Variants in SULT6B1 observed in about 807,000 individuals in gnomAD.
SULT6B1 encodes sulfotransferase 6B1.
A neutral mutation model predicts 37.2 loss-of-function variants in SULT6B1; 44 were observed. That is an observed-to-expected ratio of 1.18 (90% confidence interval 0.93 to 1.52). The LOEUF (loss-of-function observed/expected upper bound fraction) is 1.52. Among genes scored for constraint, SULT6B1 ranks in the 40% most tolerant of loss-of-function variants. SULT6B1 has a pLI of 0.00. For missense variants in SULT6B1, 450 were observed against 361.0 expected (o/e 1.25, Z -2.00); for synonymous variants, 140 against 126.0 (o/e 1.11, Z -0.74).
intron 3 of SULT6B1, among the ~76,000 whole-genome samples, chr2:37,180,827 T>C (rs1676534514): frequency 6.6e-6 from 1 of 152,142 alleles, no homozygotes; most frequent in South Asian, 2.1e-4. Flanking sequence ...GAGGTTGTCA[T>C]GAGCCAAGAT....
chr2:37,183,634 TCTCCTC>T, intron 2 of SULT6B1, 120 bp from the exon 3 acceptor site: 1 of 677,694 alleles, frequency 1.5e-6, no homozygotes, highest in Non-Finnish European at 2.5e-6. Flanking sequence ...CACTATATCT[TCTCCTC>T]CTCCTCCAAT....
intron 4 of SULT6B1, among the ~76,000 whole-genome samples, chr2:37,176,221 T>C (rs1313150807): frequency 2.0e-5 from 3 of 151,518 alleles, no homozygotes; most frequent in Non-Finnish European, 4.4e-5. Context: ...ACACGTCAAA[T>C]GCTAAAAACA....
chr2:37,171,009 C>T (rs887524480), intron 6 of SULT6B1, among the ~76,000 whole-genome samples: 2 of 151,922 alleles, frequency 1.3e-5, no homozygotes, highest in Non-Finnish European at 2.9e-5. Context: ...GAGGCCAAGG[C>T]GGGCGGATCA....
At chr2:37,181,669 A>G (rs1043586828) in intron 3 of SULT6B1, among the ~76,000 whole-genome samples, 4 of 152,182 alleles carry the variant, frequency 2.6e-5, no homozygotes, top group Non-Finnish European at 4.4e-5. Flanking sequence ...GATGTGAGCC[A>G]CTGCATCCAG....
intron 4 of SULT6B1, among the ~76,000 whole-genome samples, chr2:37,177,411 C>CAAAAAAAAAAAAAAAAAAAA (rs57205863): frequency 3.9e-5 from 3 of 76,288 alleles, no homozygotes; most frequent in African/African-American, 1.0e-4. Context: ...AATCTTGTCT[C>CAAAAAAAAAAAAAAAAAAAA]AAAAAAAAAA....
intron 2 of SULT6B1, among the ~76,000 whole-genome samples, chr2:37,186,219 G>A (rs1290835679): frequency 6.6e-6 from 1 of 152,186 alleles, no homozygotes; most frequent in South Asian, 2.1e-4. Context: ...CTCTCTGCCT[G>A]TTGGGAATCT....
chr2:37,179,592 G>A lies in SULT6B1; in HGVS notation c.403-8C>T. The A allele has an allele frequency of 6.2e-7, 1 of 1,606,030 alleles. No individual in the cohort carries two copies. The highest frequency in any genetic ancestry group is 1.8e-5 in the Admixed American group (1 of 56,658). ...TCGAAATATCACCAATATCTAGGGA[G>A]CAAAAATTGAGTTAATTTATTTGGG... On this transcript the variant is annotated splice_polypyrimidine_tract_variant and splice_region_variant and intron_variant, in intron 3 of 6. Coordinates refer to ENST00000535679, the MANE Select transcript of SULT6B1 (RefSeq NM_001367551.1).
chr2:37,192,902 T>C (rs1572469643), upstream of SULT6B1, among the ~76,000 whole-genome samples: 2 of 152,318 alleles, frequency 1.3e-5, no homozygotes, highest in East Asian at 1.9e-4. Context: ...CAGTTCTACA[T>C]ACTCAACTCT....
intron 2 of SULT6B1, among the ~76,000 whole-genome samples, chr2:37,185,717 C>CAAAAAAAAAAAA (rs200087048): frequency 6.0e-5 from 5 of 83,392 alleles, no homozygotes; most frequent in South Asian, 4.3e-4. Flanking sequence ...GACTCCATTT[C>CAAAAAAAAAAAA]AAAAAAAAAA....
chr2:37,193,576 GAAGAAAAAGAAGAAGAAGAAA>G (rs1462932555), upstream of SULT6B1, among the ~76,000 whole-genome samples: 133 of 133,496 alleles, frequency 1.0e-3, no homozygotes, highest in South Asian at 2.4e-3. Flanking sequence ...AAAAAAAAAA[GAAGAAAAAGAAGAAGAAGAAA>G]AAGAAGAAGA....
At chr2:37,194,603 G>T in intron 1 of SULT6B1, 1 of 367,532 alleles carries the variant, frequency 2.7e-6, no homozygotes, top group South Asian at 2.3e-5. Context: ...GGATCTCTTT[G>T]AGTGCCTGAG....
chr2:37,189,720 C>T (rs968866528), upstream of SULT6B1, among the ~76,000 whole-genome samples: 3 of 152,176 alleles, frequency 2.0e-5, no homozygotes, highest in Non-Finnish European at 4.4e-5. Flanking sequence ...GTGCTTCTCC[C>T]TGGAACATTT....
intron 6 of SULT6B1, among the ~76,000 whole-genome samples, chr2:37,168,807 T>A (rs1473706702): frequency 6.6e-6 from 1 of 152,242 alleles, no homozygotes; most frequent in Non-Finnish European, 1.5e-5. Flanking sequence ...CTGTTACCAG[T>A]AAAGAAAGTT....
upstream of SULT6B1, among the ~76,000 whole-genome samples, chr2:37,193,608 A>AGAAGAAGAAGAG (rs1676829229): frequency 4.4e-5 from 6 of 137,004 alleles, no homozygotes; most frequent in Non-Finnish European, 9.6e-5. Flanking sequence ...AAGAAGAAGA[A>AGAAGAAGAAGAG]GAAGAAGAAG....
rs1676214203 is a variant in SULT6B1, at chr2:37,167,910, T to C, written c.*25A>G. 1 of 1,540,186 alleles carries C rather than the reference T, an allele frequency of 6.5e-7. No individual in the cohort carries two copies. On this transcript the variant is annotated 3_prime_UTR_variant, in exon 7 of 7. Coordinates refer to ENST00000535679, the MANE Select transcript of SULT6B1 (RefSeq NM_001367551.1). ...CTTAATTATTATTAAGGAAAATAAATCTAGGCCTGCTGAATTGACTGGAAT... is the reference window on the plus strand; with the variant it reads ...CTTAATTATTATTAAGGAAAATAAACCTAGGCCTGCTGAATTGACTGGAAT...
chr2:37,180,642 G>A (rs1047849894), intron 3 of SULT6B1, among the ~76,000 whole-genome samples: 2 of 152,236 alleles, frequency 1.3e-5, no homozygotes, highest in African/African-American at 4.8e-5. Flanking sequence ...CCAGCACTTT[G>A]TGAGGCTGAG....
At chr2:37,183,352 C>T in intron 3 of SULT6B1, 73 bp downstream of exon 3, 9 of 1,191,506 alleles carry the variant, frequency 7.6e-6, no homozygotes, top group Non-Finnish European at 1.1e-5. Context: ...GGAACAAACT[C>T]ATGATCTACT....
chr2:37,192,723 G>A (rs542873386), upstream of SULT6B1, among the ~76,000 whole-genome samples: 1 of 152,180 alleles, frequency 6.6e-6, no homozygotes, highest in African/African-American at 2.4e-5. Flanking sequence ...CATAGTTGTT[G>A]TTTGCTTGCT....
intron 4 of SULT6B1, among the ~76,000 whole-genome samples, chr2:37,176,831 G>A (rs1006039284): frequency 1.2e-4 from 19 of 152,164 alleles, no homozygotes; most frequent in African/African-American, 4.3e-4. Context: ...TGCCCAGTGA[G>A]ACACAAACAA....
Sources: gnomAD v4.1 joint callset for allele counts (sites outside exome capture counted in the v4.1 genomes callset) on GRCh38, gnomAD v4.1.1 for gene constraint, MANE v1.5 for transcripts, NCBI Gene and HGNC (gene_info 2026-07-23, HGNC 2026-07-21) for gene names.